The following PLCE1 variants were observed in gnomAD, a reference collection of about 807,000 sequenced individuals.
PLCE1 encodes the protein 1-phosphatidylinositol 4,5-bisphosphate phosphodiesterase epsilon-1.
PLCE1 carries 119 observed loss-of-function variants against 242.8 expected under a neutral mutation model. The observed-to-expected ratio is 0.49, with a 90% CI of 0.42 to 0.57. The LOEUF is 0.57. Among genes scored for constraint, PLCE1 ranks in the 20% least tolerant of loss-of-function variants. The pLI is 0.00. For synonymous variants in PLCE1, 945 were observed against 1,017.4 expected (o/e 0.93, Z 1.35); for missense variants, 2,441 against 2,788.8 (o/e 0.88, Z 2.81).
At chr10:94,250,557 A>G (rs1438558215) in intron 8 of PLCE1, among the ~76,000 whole-genome samples, 1 of 152,204 alleles carries the variant, frequency 6.6e-6, no homozygotes, top group Non-Finnish European at 1.5e-5. Context: ...CAAGTTTATT[A>G]TTTTGTGTAA....
chr10:94,325,160 A>C, intron 32 of PLCE1, 56 bp downstream of exon 32: 1 of 1,221,354 alleles, frequency 8.2e-7, no homozygotes, highest in Non-Finnish European at 1.2e-6. Context: ...CTACTTTGTA[A>C]GGAAGGCATA....
intron 3 of PLCE1, among the ~76,000 whole-genome samples, chr10:94,154,295 C>A (rs1197502851): frequency 1.3e-5 from 2 of 152,124 alleles, no homozygotes; most frequent in East Asian, 3.9e-4. Flanking sequence ...TGGACCCTTA[C>A]CTTCCACCCT....
At chr10:94,279,755 CA>C in intron 19 of PLCE1, 26 bp from the exon 20 acceptor site, 1 of 1,611,720 alleles carries the variant, frequency 6.2e-7, no homozygotes, top group Non-Finnish European at 8.5e-7. Flanking sequence ...TTGGCATCTG[CA>C]GTTTACAATT....
intron 4 of PLCE1, among the ~76,000 whole-genome samples, chr10:94,194,024 A>T (rs1180412441): frequency 1.3e-5 from 2 of 152,228 alleles, no homozygotes; most frequent in Non-Finnish European, 2.9e-5. Context: ...CAGTTAAAAG[A>T]TGTTTACTTC....
intron 7 of PLCE1, among the ~76,000 whole-genome samples, chr10:94,239,969 CT>C (rs1298460251): frequency 1.3e-5 from 2 of 152,160 alleles, no homozygotes; most frequent in East Asian, 3.9e-4. Context: ...CAGCCCAGAC[CT>C]TCATACAGTC....
At chr10:94,253,838 A>G (rs1311149366) in intron 9 of PLCE1, among the ~76,000 whole-genome samples, 3 of 152,096 alleles carry the variant, frequency 2.0e-5, no homozygotes, top group African/African-American at 7.2e-5. Context: ...CAAACATCCA[A>G]ACCATATCAT....
intron 11 of PLCE1, among the ~76,000 whole-genome samples, chr10:94,257,573 T>C (rs1166100038): frequency 2.0e-5 from 3 of 152,182 alleles, no homozygotes; most frequent in African/African-American, 7.2e-5. Context: ...ATAGACACCA[T>C]TGGAATACTA....
chr10:94,099,438 A>C (rs150454774), intron 2 of PLCE1, among the ~76,000 whole-genome samples: 5 of 152,344 alleles, frequency 3.3e-5, no homozygotes, highest in African/African-American at 9.6e-5. Context: ...AGCAGTTTGC[A>C]TACATTTACC....
At chr10:94,108,210 C>A (rs2045826613) in intron 2 of PLCE1, 2 of 152,264 alleles carry the variant, frequency 1.3e-5, no homozygotes, top group African/African-American at 4.8e-5. Context: ...CCCCATTCCA[C>A]CCTATCACAA....
At chr10:94,098,361 G>T (rs2045394103) in intron 2 of PLCE1, among the ~76,000 whole-genome samples, 1 of 152,180 alleles carries the variant, frequency 6.6e-6, no homozygotes, top group South Asian at 2.1e-4. Flanking sequence ...CCCCTCAGGA[G>T]TATTTCCCCT....
chr10:94,036,939 C>A (rs1326363165), intron 2 of PLCE1, among the ~76,000 whole-genome samples: 1 of 151,318 alleles, frequency 6.6e-6, no homozygotes, highest in Non-Finnish European at 1.5e-5. Context: ...ATTTACTGTA[C>A]AAGAATATGT....
At chr10:94,287,317 A>G (rs1307219521) in intron 22 of PLCE1, 1 of 152,136 alleles carries the variant, frequency 6.6e-6, no homozygotes, top group African/African-American at 2.4e-5. Context: ...CCTTCTAAAT[A>G]TTTCTTTTTA....
intron 22 of PLCE1, among the ~76,000 whole-genome samples, chr10:94,288,757 T>C (rs371178919): frequency 9.8e-4 from 150 of 152,320 alleles, no homozygotes; most frequent in African/African-American, 3.0e-3. Flanking sequence ...GGCTCATTTT[T>C]ATTCCTACAC....
At chr10:94,291,328 C>T (rs922268057) in intron 22 of PLCE1, among the ~76,000 whole-genome samples, 4 of 152,128 alleles carry the variant, frequency 2.6e-5, no homozygotes, top group African/African-American at 9.7e-5. Context: ...ATGGCTTCTG[C>T]TCAAACTTCC....
intron 4 of PLCE1, among the ~76,000 whole-genome samples, chr10:94,176,479 A>C (rs1438970800): frequency 2.0e-5 from 3 of 152,184 alleles, no homozygotes; most frequent in Non-Finnish European, 4.4e-5. Context: ...ATTTTTTAAA[A>C]ATAAGAAATT....
intron 4 of PLCE1, among the ~76,000 whole-genome samples, chr10:94,187,375 C>G (rs1310040498): frequency 2.6e-5 from 4 of 152,086 alleles, no homozygotes; most frequent in African/African-American, 4.8e-5. Context: ...AGTGCCCCAT[C>G]ATCTAACACA....
chr10:94,306,112 C>T lies in PLCE1; in HGVS notation c.5623-315C>T, dbSNP rs975224001. 3.3e-5 allele frequency among the ~76,000 whole-genome samples: 5 copies of T among 152,034 alleles called. No individual in the cohort carries two copies. The highest frequency in any genetic ancestry group is 7.4e-5 in the Non-Finnish European group (5 of 68,020). On this transcript the variant is annotated intron_variant, in intron 25 of 32. Coordinates refer to ENST00000371380, the MANE Select transcript of PLCE1 (RefSeq NM_016341.4). This position sits in a 1 kb window ranked among gnomAD's most constrained non-coding sequence, Gnocchi z 5.7. ...TCAGCCTCCCTAATAGCTGGGACTA[C>T]AGGCGCACACCACCATGCCCAGCTA...
chr10:94,279,303 CCAA>C (rs1352758499), intron 19 of PLCE1: 3 of 166,414 alleles, frequency 1.8e-5, no homozygotes, highest in African/African-American at 7.2e-5. Context: ...TTTATTTAAA[CCAA>C]CAACAATTCT....
intron 1 of PLCE1, among the ~76,000 whole-genome samples, chr10:94,000,269 C>T (rs1564616019): frequency 1.3e-5 from 2 of 152,204 alleles, no homozygotes; most frequent in Non-Finnish European, 2.9e-5. Flanking sequence ...TCCCTCATTT[C>T]ATTTTATAAG....
Sources: allele counts gnomAD v4.1 joint callset (sites outside exome capture counted in the v4.1 genomes callset), GRCh38; gene constraint gnomAD v4.1.1; non-coding constraint Gnocchi (gnomAD v3.1); transcripts MANE v1.5; gene names NCBI Gene and HGNC (gene_info 2026-07-23, HGNC 2026-07-21).